The following MESP1 variants were observed in gnomAD, a reference collection of about 807,000 sequenced individuals.
MESP1 encodes mesoderm posterior protein 1.
A neutral mutation model predicts 15.2 loss-of-function variants in MESP1; 22 were observed. The observed-to-expected ratio is 1.45, with a 90% CI of 1.04 to 2.07. The LOEUF (loss-of-function observed/expected upper bound fraction) is 2.07. MESP1 is among the 30% of genes most tolerant of loss of function. The probability of loss-of-function intolerance (pLI) is 0.00; values close to 1 mark genes in which losing one functional copy is unlikely to be tolerated. For missense variants in MESP1, 484 were observed against 411.9 expected, an observed-to-expected ratio of 1.17 and a Z score of -1.51; for synonymous variants, 216 against 192.6, an observed-to-expected ratio of 1.12 and a Z score of -1.01.
the MESP1 span, among the ~76,000 whole-genome samples, chr15:89,736,941 G>A: frequency 1.5e-3 from 228 of 152,180 alleles, 1 homozygote; most frequent in African/African-American, 5.1e-3. Context: ...ACAGGTGCCC[G>A]CTAGCACGCC....
chr15:89,750,368 T>C (rs1341815386), intron 1 of MESP1, 141 bp from the exon 2 acceptor site: 10 of 1,486,498 alleles, frequency 6.7e-6, no homozygotes, highest in Non-Finnish European at 8.1e-6. Context: ...CCTTCGCTTC[T>C]TGGAGCCCTG....
the MESP1 span, chr15:89,732,966 A>G: frequency 1.0e-5 from 16 of 1,596,930 alleles, no homozygotes; most frequent in South Asian, 6.6e-5. Flanking sequence ...CTCCTCCCCT[A>G]CCCCGTTTTC....
chr15:89,741,189 A>G, the MESP1 span, among the ~76,000 whole-genome samples: 4 of 152,362 alleles, frequency 2.6e-5, no homozygotes, highest in Non-Finnish European at 4.4e-5. Context: ...GCTATTACAC[A>G]TAAATCACAC....
At chr15:89,743,294 A>T in the MESP1 span, 13 of 1,614,042 alleles carry the variant, frequency 8.1e-6, no homozygotes, top group Non-Finnish European at 1.1e-5. Flanking sequence ...GCCCTCAGCT[A>T]TCGGAAGCTG....
At chr15:89,738,651 T>C in the MESP1 span, among the ~76,000 whole-genome samples, 1 of 150,142 alleles carries the variant, frequency 6.7e-6, no homozygotes, top group Non-Finnish European at 1.5e-5. Flanking sequence ...AAAAAGAAAT[T>C]TCCCCTAAGT....
At chr15:89,735,445 A>C in the MESP1 span, 2 of 1,596,758 alleles carry the variant, frequency 1.3e-6, no homozygotes, top group East Asian at 2.2e-5. Context: ...CAAAACTTTT[A>C]AACTCTTAAA....
chr15:89,749,101 G>A (rs1041648002), downstream of MESP1: 4 of 152,126 alleles, frequency 2.6e-5, no homozygotes, highest in African/African-American at 9.7e-5. Context: ...CACTTTCTGG[G>A]CTCAAGCCTC....
At chr15:89,740,834 T>C in the MESP1 span, among the ~76,000 whole-genome samples, 85 of 152,258 alleles carry the variant, frequency 5.6e-4, no homozygotes, top group Middle Eastern at 3.4e-3. Context: ...ATGTATAGAT[T>C]ACTTTTTTAA....
At chr15:89,740,463 T>C in the MESP1 span, among the ~76,000 whole-genome samples, 1 of 152,178 alleles carries the variant, frequency 6.6e-6, no homozygotes, top group Non-Finnish European at 1.5e-5. Flanking sequence ...CTACCAAGAA[T>C]GTTCAACTAT....
At chr15:89,737,548 C>T in the MESP1 span, 6 of 1,613,894 alleles carry the variant, frequency 3.7e-6, no homozygotes, top group African/African-American at 8.0e-5. Context: ...GTAGAAGCCC[C>T]CCTCACCATC....
In MESP1 at chr15:89,750,233, G is replaced by A. The variant is rs544628282; in HGVS notation, c.724-6C>T. 2.5e-6 allele frequency: 4 copies of A among 1,613,732 alleles called. No individual in the cohort carries two copies. The highest frequency in any genetic ancestry group is 2.7e-5 in the African/African-American group (2 of 74,982). On this transcript the variant is annotated splice_polypyrimidine_tract_variant and splice_region_variant and intron_variant, in intron 1 of 1. Transcript: ENST00000300057. ...AGCACGTCGCCCGGAAGGAGCTGTA[G>A]GGAGAGACGGAACAGCGCAGCCCTC...
rs1192536089 is a variant in MESP1 at position 89,751,175 on chromosome 15, C to A, written c.57G>T (p.Trp19Cys). The change falls in exon 1 of 2, where the codon TGG (tryptophan) becomes TGT (cysteine). Residue 19 changes from tryptophan to cysteine, a missense_variant. By Grantham distance (215) the Trp-to-Cys change is radical. Coordinates refer to ENST00000300057, the MANE Select transcript of MESP1 (RefSeq NM_018670.4). ...LSESWMLSAAWGPTRRPPPSD... is the reference protein window; with the variant it reads ...LSESWMLSAACGPTRRPPPSD... ...AGGGCGGCGGCCGCCGAGTTGGGCCCCAGGCCGCAGAGAGCATCCAGGACT... is the reference window on the plus strand; with the variant it reads ...AGGGCGGCGGCCGCCGAGTTGGGCCACAGGCCGCAGAGAGCATCCAGGACT... 1.6e-6 allele frequency: 2 copies of A among 1,270,734 alleles called. No homozygotes were observed. Among genetic ancestry groups the A allele is most frequent in the African/African-American group, 1.5e-5 (1 of 65,608 alleles). 78.7% of individuals were successfully genotyped at this position (1,270,734 alleles called of 1,614,324 possible). A position where few individuals can be genotyped will look rare whatever the true frequency, so the allele number is the denominator to read the frequency against.
At chr15:89,745,244 G>A (rs1023451806), downstream of MESP1, among the ~76,000 whole-genome samples, 23 of 152,152 alleles carry the variant, frequency 1.5e-4, no homozygotes, top group African/African-American at 5.1e-4. The surrounding 1 kb of genome is among the most constrained non-coding windows in gnomAD (Gnocchi z 4.8). Flanking sequence ...GGTGGGGAGA[G>A]GGGATCTGAG....
the MESP1 span, among the ~76,000 whole-genome samples, chr15:89,741,875 C>G: frequency 6.6e-6 from 1 of 152,104 alleles, no homozygotes; most frequent in Admixed American, 6.5e-5. Context: ...CCTCAGCCTC[C>G]CAAGTAGCTG....
chr15:89,732,707 G>T, the MESP1 span, among the ~76,000 whole-genome samples: 110 of 151,828 alleles, frequency 7.2e-4, no homozygotes, highest in African/African-American at 2.6e-3. Flanking sequence ...GGTCAGCTGC[G>T]CCTCAGTCCC....
the MESP1 span, chr15:89,737,500 T>A: frequency 6.3e-7 from 1 of 1,578,108 alleles, no homozygotes. Context: ...CTTACTGGGG[T>A]GACCTCTACA....
At chr15:89,743,374 G>C in the MESP1 span, 2 of 1,614,182 alleles carry the variant, frequency 1.2e-6, no homozygotes, top group African/African-American at 1.3e-5. Flanking sequence ...GCTCCAGAGA[G>C]AGAACTTCAA....
At chr15:89,750,328 A>C in intron 1 of MESP1, 101 bp from the exon 2 acceptor site, 1 of 1,557,340 alleles carries the variant, frequency 6.4e-7, no homozygotes, top group South Asian at 1.1e-5. Context: ...TAGCGAGGGG[A>C]GACCCAGTCC....
the MESP1 span, among the ~76,000 whole-genome samples, chr15:89,743,803 G>A: frequency 6.6e-6 from 1 of 152,176 alleles, no homozygotes; most frequent in Admixed American, 6.5e-5. Flanking sequence ...CCGCCCACCT[G>A]TTTTCCCCAC....
Sources: gnomAD v4.1 joint callset for allele counts (sites outside exome capture counted in the v4.1 genomes callset) on GRCh38, gnomAD v4.1.1 for gene constraint, Gnocchi (gnomAD v3.1) non-coding constraint, MANE v1.5 for transcripts, NCBI Gene and HGNC (gene_info 2026-07-23, HGNC 2026-07-21) for gene names.